Variants in PLCG2 observed in about 807,000 individuals in gnomAD.
The protein encoded by PLCG2 is 1-phosphatidylinositol 4,5-bisphosphate phosphodiesterase gamma-2.
PLCG2 carries 69 observed loss-of-function variants against 175.6 expected under a neutral mutation model. That is an observed-to-expected ratio of 0.39 (90% confidence interval 0.32 to 0.48). The LOEUF is 0.48. Among genes scored for constraint, PLCG2 ranks in the 20% least tolerant of loss-of-function variants. PLCG2 has a pLI of 0.91. For synonymous variants in PLCG2, 827 were observed against 624.0 expected (o/e 1.33, Z -4.85); for missense variants, 1,798 against 1,650.9 (o/e 1.09, Z -1.54).
intron 2 of PLCG2, among the ~76,000 whole-genome samples, chr16:81,823,329 C>T (rs367791114): frequency 5.9e-5 from 9 of 152,286 alleles, no homozygotes; most frequent in Non-Finnish European, 1.2e-4. Flanking sequence ...TCGACAGAAA[C>T]GCAGAAGTGA....
intron 2 of PLCG2, among the ~76,000 whole-genome samples, chr16:81,801,870 G>A (rs956441259): frequency 2.0e-5 from 3 of 151,684 alleles, no homozygotes; most frequent in African/African-American, 7.3e-5. Context: ...TAGTAGAGAC[G>A]GGGTTTCACT....
At chr16:81,786,574 T>C (rs1910982076) in intron 2 of PLCG2, among the ~76,000 whole-genome samples, 1 of 152,200 alleles carries the variant, frequency 6.6e-6, no homozygotes, top group African/African-American at 2.4e-5. Flanking sequence ...GGTCGCCAAA[T>C]GCTACCTTGT....
chr16:81,942,278 A>T (rs1215014613), intron 30 of PLCG2, among the ~76,000 whole-genome samples: 1 of 152,234 alleles, frequency 6.6e-6, no homozygotes, highest in Non-Finnish European at 1.5e-5. Context: ...ATGGGCATCA[A>T]AGTGTGTCAA....
chr16:81,795,229 T>G (rs1911414101), intron 2 of PLCG2, among the ~76,000 whole-genome samples: 1 of 152,142 alleles, frequency 6.6e-6, no homozygotes, highest in Non-Finnish European at 1.5e-5. Context: ...TGATAGACGC[T>G]AGGAAGGAAA....
At position 81,923,603 on chromosome 16, in the gene PLCG2, G is replaced by C. The variant is rs747417960; in HGVS notation, c.2417+9G>C. 6.4e-7 allele frequency: 1 copy of C among 1,552,164 alleles called. No individual in the cohort carries two copies. Among genetic ancestry groups the C allele is most frequent in the Non-Finnish European group, 8.9e-7 (1 of 1,124,342 alleles). ...AAGGAGCCCGGGGGCTGGTAAGGCTGAGTGGAGGCTGGGCTGCTCGGCAGG... is the reference window on the plus strand; with the variant it reads ...AAGGAGCCCGGGGGCTGGTAAGGCTCAGTGGAGGCTGGGCTGCTCGGCAGG... On this transcript the variant is annotated intron_variant, in intron 22 of 32. Coordinates refer to ENST00000564138, the MANE Select transcript of PLCG2 (RefSeq NM_002661.5).
At chr16:81,778,016 C>A (rs1472642945), upstream of PLCG2, among the ~76,000 whole-genome samples, 45 of 49,062 alleles carry the variant, frequency 9.2e-4, no homozygotes, top group South Asian at 4.5e-3. Flanking sequence ...GACTTTGTCT[C>A]AAAAAAAAAA....
intron 2 of PLCG2, among the ~76,000 whole-genome samples, chr16:81,795,164 A>G (rs958846767): frequency 6.6e-6 from 1 of 152,234 alleles, no homozygotes; most frequent in Non-Finnish European, 1.5e-5. Flanking sequence ...GGATCTTACA[A>G]TCTTGTAGGA....
intron 29 of PLCG2, 52 bp downstream of exon 29, chr16:81,938,967 C>A (rs1419627083): frequency 1.9e-6 from 2 of 1,045,996 alleles, no homozygotes; most frequent in East Asian, 2.4e-5. Flanking sequence ...CCAGTGAATC[C>A]TTTGTGGGAG....
intron 19 of PLCG2, among the ~76,000 whole-genome samples, chr16:81,915,333 A>G (rs945636396): frequency 1.3e-5 from 2 of 152,196 alleles, no homozygotes; most frequent in Non-Finnish European, 2.9e-5. Flanking sequence ...ACTTCTGGAT[A>G]GATTTCCCCA....
At chr16:81,818,792 T>A (rs941595527) in intron 2 of PLCG2, among the ~76,000 whole-genome samples, 1 of 149,478 alleles carries the variant, frequency 6.7e-6, no homozygotes, top group African/African-American at 2.5e-5. Context: ...AAGGGAGGAG[T>A]GTGGAGGGCA....
chr16:81,779,193 C>G (rs1287146704), upstream of PLCG2: 2 of 152,014 alleles, frequency 1.3e-5, no homozygotes, highest in African/African-American at 2.4e-5. Flanking sequence ...AGAGGCGGAC[C>G]CGGCTGGGCG....
At chr16:81,933,978 G>C (rs1910608272) in intron 25 of PLCG2, among the ~76,000 whole-genome samples, 1 of 152,228 alleles carries the variant, frequency 6.6e-6, no homozygotes, top group South Asian at 2.1e-4. Flanking sequence ...TCAGAGCTGG[G>C]GAGCAGGTGT....
Position 81,910,209 on chromosome 16 carries a change from G to A in PLCG2, c.1734-311G>A, listed in dbSNP as rs377047674. On this transcript the variant is annotated intron_variant, in intron 17 of 32. Coordinates refer to ENST00000564138, the MANE Select transcript of PLCG2 (RefSeq NM_002661.5). The stretch of plus-strand genomic sequence containing the variant: ...AGGTACAAGTGATTCTCTTGCCTCA[G>A]CCTCCCAAGTAGCTGGGATTACAGG... Among the ~76,000 whole-genome samples, 13 of 152,130 alleles carry A rather than the reference G, an allele frequency of 8.5e-5. No homozygotes were observed. The East Asian group carries it at 2.1e-3, about 25-fold the overall frequency.
At chr16:81,763,081 A>T (rs1170590920) in intron 2 of PLCG2, among the ~76,000 whole-genome samples, 1 of 152,168 alleles carries the variant, frequency 6.6e-6, no homozygotes, top group Non-Finnish European at 1.5e-5. Context: ...ATCAACAAAA[A>T]ATAAGATAAA....
intron 2 of PLCG2, among the ~76,000 whole-genome samples, chr16:81,768,468 C>T (rs750949612): frequency 2.9e-4 from 44 of 151,890 alleles, no homozygotes; most frequent in Non-Finnish European, 5.6e-4. Flanking sequence ...AAAGAAACTG[C>T]CCAGCTGTTT....
chr16:81,940,864 A>T (rs1232786319), intron 30 of PLCG2, among the ~76,000 whole-genome samples: 1 of 152,198 alleles, frequency 6.6e-6, no homozygotes, highest in East Asian at 1.9e-4. Context: ...GATTTTAGGT[A>T]TAATATTTGA....
At chr16:81,781,869 C>A (rs1447759828) in intron 1 of PLCG2, among the ~76,000 whole-genome samples, 1 of 20,400 alleles carries the variant, frequency 4.9e-5, no homozygotes, top group African/African-American at 2.2e-4. Flanking sequence ...GTCCTTTCCC[C>A]CCCCCCCCCC....
chr16:81,827,396 C>A (rs1905089073), intron 2 of PLCG2, among the ~76,000 whole-genome samples: 1 of 151,912 alleles, frequency 6.6e-6, no homozygotes. Context: ...GCCATGTTTC[C>A]CAGGCTGATC....
chr16:81,740,107 C>T (rs1909553731), intron 1 of PLCG2, among the ~76,000 whole-genome samples: 1 of 126,168 alleles, frequency 7.9e-6, no homozygotes, highest in Admixed American at 9.9e-5. Context: ...CAGTGCATAC[C>T]AGCCTGGGTA....
Sources: allele counts gnomAD v4.1 joint callset (sites outside exome capture counted in the v4.1 genomes callset), GRCh38; gene constraint gnomAD v4.1.1; transcripts MANE v1.5; gene names NCBI Gene and HGNC (gene_info 2026-07-23, HGNC 2026-07-21).